The following DHX36 variants were observed in gnomAD, a reference collection of about 807,000 sequenced individuals.
DHX36 encodes the protein ATP-dependent DNA/RNA helicase DHX36.
In DHX36, 50 loss-of-function variants were observed where a neutral mutation model predicts 139.0. The observed-to-expected ratio is 0.36, with a 90% CI of 0.29 to 0.46. The LOEUF (loss-of-function observed/expected upper bound fraction) is 0.46. DHX36 is among the 20% of genes least tolerant of loss of function. The pLI, the probability that DHX36 is intolerant of heterozygous loss-of-function variation, is 1.00. For missense variants in DHX36, 1,024 were observed against 1,211.3 expected (o/e 0.85, Z 2.29); for synonymous variants, 425 against 401.9 (o/e 1.06, Z -0.69).
At chr3:154,307,509 G>A (rs1712548948) in intron 5 of DHX36, among the ~76,000 whole-genome samples, 1 of 152,054 alleles carries the variant, frequency 6.6e-6, no homozygotes, top group Non-Finnish European at 1.5e-5. Flanking sequence ...ACAGGTATAT[G>A]AAAAATGCAC....
chr3:154,277,642 G>A lies in DHX36; in HGVS notation c.2644C>T (p.His882Tyr). 6.2e-7 allele frequency: 1 copy of A among 1,612,358 alleles called. No individual in the cohort carries two copies. Reference protein sequence around the residue: ...KSVNVEQTDFHYNWLIYHLKM... With the variant: ...KSVNVEQTDFYYNWLIYHLKM... ...AGGTGATAGATAAGCCAGTTGTAGTGAAAGTCTGTTTGCTCCACATTAACA... is the reference window on the plus strand; with the variant it reads ...AGGTGATAGATAAGCCAGTTGTAGTAAAAGTCTGTTTGCTCCACATTAACA... The change falls in exon 23 of 25, where the codon CAC (histidine) becomes TAC (tyrosine). Residue 882 changes from histidine to tyrosine, a missense_variant. Physicochemically the swap from His to Tyr is moderately conservative, Grantham distance 83 (BLOSUM62 2). Transcript: ENST00000496811.
At chr3:154,313,252 G>C (rs966651491) in intron 3 of DHX36, among the ~76,000 whole-genome samples, 3 of 152,106 alleles carry the variant, frequency 2.0e-5, no homozygotes, top group East Asian at 3.9e-4. Flanking sequence ...ACTGGAAAGA[G>C]AGGTATAGTC....
At chr3:154,316,963 C>CAA (rs1238818567) in intron 1 of DHX36, among the ~76,000 whole-genome samples, 2 of 151,996 alleles carry the variant, frequency 1.3e-5, no homozygotes, top group African/African-American at 4.8e-5. Context: ...AAAGGAAACA[C>CAA]ACGCGGAGTG....
Position 154,300,999 on chromosome 3 carries a change from T to C in DHX36, c.1346A>G (p.Glu449Gly), listed in dbSNP as rs149315263. ...AAAATAAACTTACCTTCTTCGCAGT[T>C]CCCTTACATAATCTGGCCAACGTTC... ...YKERWPDYVR[E>G]LRRRYSASTV... Residue 449 changes from glutamate to glycine, a missense_variant, in exon 10 of 25, where the codon GAA becomes GGA. Around this residue, in one of 4 missense-constraint regions of DHX36, gnomAD observed 115 missense variants for 105.6 expected, o/e 1.09. Coordinates refer to ENST00000496811, the MANE Select transcript of DHX36 (RefSeq NM_020865.3). 2.5e-5 allele frequency: 40 copies of C among 1,610,556 alleles called. No individual in the cohort carries two copies. Among genetic ancestry groups the C allele is most frequent in the Non-Finnish European group, 3.4e-5 (40 of 1,179,392 alleles).
chr3:154,319,567 CT>C (rs1713113223), intron 1 of DHX36, among the ~76,000 whole-genome samples: 5 of 152,170 alleles, frequency 3.3e-5, no homozygotes, highest in Middle Eastern at 3.2e-3. Flanking sequence ...AGGCTAACCC[CT>C]CAACCTGAGC....
intron 15 of DHX36, among the ~76,000 whole-genome samples, chr3:154,290,992 G>A (rs563275448): frequency 8.6e-5 from 13 of 150,652 alleles, no homozygotes; most frequent in East Asian, 7.8e-4. Context: ...AAAATTAGCC[G>A]GGCGTAGTGG....
chr3:154,280,913 G>A, intron 20 of DHX36, 51 bp from the exon 21 acceptor site: 1 of 1,358,366 alleles, frequency 7.4e-7, no homozygotes, highest in Non-Finnish European at 1.0e-6. Flanking sequence ...ACACATTGAG[G>A]CTATAAACCA....
chr3:154,288,865 C>T lies in DHX36; in HGVS notation c.2031+1G>A. On this transcript the variant is annotated splice_donor_variant, in intron 17 of 24. Transcript: ENST00000496811. LOFTEE classifies it high-confidence loss of function. ...TTAAAAAAACAAGAAAACAAATTTA[C>T]CAGCTCCATCAGGTGTCTTATGGAG... The T allele has an allele frequency of 6.6e-7, 1 of 1,521,710 alleles. No individual in the cohort carries two copies. Among genetic ancestry groups the T allele is most frequent in the Non-Finnish European group, 8.8e-7 (1 of 1,130,188 alleles). 94.3% of individuals were successfully genotyped at this position (1,521,710 alleles called of 1,614,324 possible).
intron 3 of DHX36, among the ~76,000 whole-genome samples, chr3:154,312,852 A>AATATATAT (rs67771264): frequency 3.6e-3 from 144 of 39,710 alleles, no homozygotes; most frequent in Middle Eastern, 0.031. Flanking sequence ...AAATAATTAA[A>AATATATAT]ATATATATAT....
intron 9 of DHX36, among the ~76,000 whole-genome samples, chr3:154,302,947 C>T (rs1712357352): frequency 1.3e-5 from 2 of 152,100 alleles, no homozygotes; most frequent in African/African-American, 4.8e-5. Flanking sequence ...CATGGTGGCA[C>T]ACACCTGTAA....
At chr3:154,298,071 A>G (rs1330089617) in intron 12 of DHX36, among the ~76,000 whole-genome samples, 2 of 152,206 alleles carry the variant, frequency 1.3e-5, no homozygotes, top group Non-Finnish European at 2.9e-5. Flanking sequence ...CAAGTTCTGG[A>G]AAGATTTCCT....
At chr3:154,293,280 AAAAACCCCCAC>A (rs1204238060) in intron 14 of DHX36, among the ~76,000 whole-genome samples, 6 of 152,200 alleles carry the variant, frequency 3.9e-5, no homozygotes, top group Admixed American at 1.3e-4. Flanking sequence ...CTATAGGTTA[AAAAACCCCCAC>A]AAAACTGGCC....
At chr3:154,287,346 T>A (rs1438143132) in intron 17 of DHX36, among the ~76,000 whole-genome samples, 1 of 152,106 alleles carries the variant, frequency 6.6e-6, no homozygotes, top group Non-Finnish European at 1.5e-5. Context: ...GAATGATACA[T>A]CTTACTGCAT....
chr3:154,300,830 T>C, intron 10 of DHX36, 134 bp from the exon 11 acceptor site: 2 of 1,271,452 alleles, frequency 1.6e-6, no homozygotes, highest in African/African-American at 3.0e-5. Flanking sequence ...CTGGGGTAAT[T>C]ACTGCTTAAA....
chr3:154,303,484 CA>C, intron 8 of DHX36, 74 bp from the exon 9 acceptor site: 1 of 1,090,966 alleles, frequency 9.2e-7, no homozygotes, highest in Non-Finnish European at 1.3e-6. Context: ...GTAAATAGGA[CA>C]ATGACTCTAT....
rs770698325 is a variant in DHX36, at chr3:154,292,704, A to C, written c.1671-10T>G. On this transcript the variant is annotated splice_polypyrimidine_tract_variant and intron_variant, in intron 14 of 24. Coordinates refer to ENST00000496811, the MANE Select transcript of DHX36 (RefSeq NM_020865.3). Reference sequence around the variant, plus strand: ...ATCATCTATGGTAATGCTGTTTGGAAAACAGATATATAAAATGTTAAAACA... The same window carrying C: ...ATCATCTATGGTAATGCTGTTTGGACAACAGATATATAAAATGTTAAAACA... 1 of 1,608,584 alleles carries C rather than the reference A, an allele frequency of 6.2e-7. No individual in the cohort carries two copies. The highest frequency in any genetic ancestry group is 8.5e-7 in the Non-Finnish European group (1 of 1,179,052).
intron 1 of DHX36, 36 bp from the exon 2 acceptor site, chr3:154,316,199 A>C (rs755539960): frequency 1.2e-6 from 2 of 1,607,938 alleles, no homozygotes; most frequent in Non-Finnish European, 1.7e-6. Context: ...CCTTGTCAAC[A>C]TAAGAAAGCA....
At chr3:154,294,351 A>G (rs1711944161) in intron 13 of DHX36, among the ~76,000 whole-genome samples, 2 of 152,224 alleles carry the variant, frequency 1.3e-5, no homozygotes, top group South Asian at 4.1e-4. Flanking sequence ...ACTAAAGTAG[A>G]AAGAAGATAG....
At position 154,276,361 on chromosome 3, in the gene DHX36, G is replaced by T; in HGVS notation, c.2842-5C>A. Reference sequence around the variant, plus strand: ...ATCTAGTTCCTTTCTTAATTCCTAAGGTTGGAAAAATTATACATGTTCAAC... The same window carrying T: ...ATCTAGTTCCTTTCTTAATTCCTAATGTTGGAAAAATTATACATGTTCAAC... On this transcript the variant is annotated splice_region_variant and splice_polypyrimidine_tract_variant and intron_variant, in intron 24 of 24. Coordinates refer to ENST00000496811, the MANE Select transcript of DHX36 (RefSeq NM_020865.3). 6.2e-7 allele frequency: 1 copy of T among 1,606,540 alleles called. No homozygotes were observed.
Sources: allele counts gnomAD v4.1 joint callset (sites outside exome capture counted in the v4.1 genomes callset), GRCh38; gene constraint gnomAD v4.1.1; regional missense constraint gnomAD v4.1.1; transcripts MANE v1.5; gene names NCBI Gene and HGNC (gene_info 2026-07-23, HGNC 2026-07-21).